The following MTARC1 variants were observed in gnomAD, a reference collection of about 807,000 sequenced individuals.
MTARC1 encodes mitochondrial amidoxime-reducing component 1.
MTARC1 carries 24 observed loss-of-function variants against 33.6 expected under a neutral mutation model. The observed-to-expected ratio is 0.72, with a 90% CI of 0.52 to 1.01. The LOEUF (loss-of-function observed/expected upper bound fraction) is 1.01, where lower values mean the gene tolerates loss of function less well. MTARC1 is among the 50% of genes least tolerant of loss of function. The pLI, the probability that MTARC1 is intolerant of heterozygous loss-of-function variation, is 0.00. For synonymous variants in MTARC1, 187 were observed against 189.5 expected (o/e 0.99, Z 0.11); for missense variants, 417 against 445.7 (o/e 0.94, Z 0.58).
chr1:220,799,274 G>A, intron 4 of MTARC1: 1 of 723,010 alleles, frequency 1.4e-6, no homozygotes, highest in Non-Finnish European at 1.7e-6. Context: ...ACTTCCTAGT[G>A]TGAGGCGGGT....
At chr1:220,801,457 C>A (rs957245885) in intron 4 of MTARC1, among the ~76,000 whole-genome samples, 1 of 152,074 alleles carries the variant, frequency 6.6e-6, no homozygotes, top group Non-Finnish European at 1.5e-5. Flanking sequence ...GTATCTCCAG[C>A]CCCTAGGAGA....
At chr1:220,801,263 T>C (rs1672793732) in intron 4 of MTARC1, among the ~76,000 whole-genome samples, 1 of 152,086 alleles carries the variant, frequency 6.6e-6, no homozygotes. Context: ...CTGCCTGGCA[T>C]ATCTTCCCTC....
chr1:220,787,505 G>A (rs572730231), intron 1 of MTARC1, among the ~76,000 whole-genome samples: 1 of 152,224 alleles, frequency 6.6e-6, no homozygotes, highest in Non-Finnish European at 1.5e-5. Flanking sequence ...GCTGAGGTGT[G>A]GTATCGCTCC....
intron 4 of MTARC1, among the ~76,000 whole-genome samples, chr1:220,803,533 G>C (rs374922311): frequency 3.3e-5 from 5 of 152,094 alleles, no homozygotes; most frequent in African/African-American, 1.2e-4. Flanking sequence ...TGGGAAGCCT[G>C]CTCTGATTGC....
At chr1:220,787,263 G>A (rs1449419926) in intron 1 of MTARC1, 44 bp downstream of exon 1, 4 of 1,526,488 alleles carry the variant, frequency 2.6e-6, no homozygotes, top group Admixed American at 2.0e-5. Context: ...TCCGGCTCGG[G>A]GCAAGGGGGT....
chr1:220,808,988 A>G (rs1224122742), intron 6 of MTARC1: 3 of 451,910 alleles, frequency 6.6e-6, no homozygotes, highest in Non-Finnish European at 9.0e-6. Flanking sequence ...CAAAAAAAAA[A>G]ACGTTTTGCT....
Position 220,813,596 on chromosome 1 carries a change from A to G in MTARC1, c.*178A>G. The stretch of plus-strand genomic sequence containing the variant: ...AATGCTTCAATGTCCCAGTGCAAAA[A>G]GTAAAGAAATATAGTCTCAATAACT... On this transcript the variant is annotated 3_prime_UTR_variant, in exon 7 of 7. Coordinates refer to ENST00000366910, the MANE Select transcript of MTARC1 (RefSeq NM_022746.4). The G allele has an allele frequency of 1.4e-6, 1 of 737,586 alleles. No homozygotes were observed. The highest frequency in any genetic ancestry group is 2.2e-6 in the Non-Finnish European group (1 of 464,394). The allele number at this position is 737,586 out of a possible 1,614,324, so 45.7% of individuals were successfully genotyped here. A position where few individuals can be genotyped will look rare whatever the true frequency, so the allele number is the denominator to read the frequency against.
Position 220,786,937 on chromosome 1 carries a change from A to G in MTARC1, c.-8A>G. 8.1e-7 allele frequency: 1 copy of G among 1,235,710 alleles called. No individual in the cohort carries two copies. The highest frequency in any genetic ancestry group is 1.0e-6 in the Non-Finnish European group (1 of 991,362). 76.5% of individuals were successfully genotyped at this position (1,235,710 alleles called of 1,614,324 possible). On this transcript the variant is annotated 5_prime_UTR_variant, in exon 1 of 7. Coordinates refer to ENST00000366910, the MANE Select transcript of MTARC1 (RefSeq NM_022746.4). ...CCTTGCCGCCGCCACCTCGCGGAGA[A>G]GCCAGCCATGGGCGCCGCCGGCTCC...
At chr1:220,787,755 C>G (rs899006407) in intron 1 of MTARC1, among the ~76,000 whole-genome samples, 1 of 151,986 alleles carries the variant, frequency 6.6e-6, no homozygotes, top group Non-Finnish European at 1.5e-5. Context: ...TTTGGGAGGC[C>G]GAGGCGGGTG....
At chr1:220,790,652 G>A (rs1402136228) in intron 1 of MTARC1, among the ~76,000 whole-genome samples, 1 of 152,140 alleles carries the variant, frequency 6.6e-6, no homozygotes, top group Non-Finnish European at 1.5e-5. Flanking sequence ...CTAAAGTACC[G>A]GCCATATTTT....
chr1:220,795,134 T>C (rs1031092991), intron 2 of MTARC1, among the ~76,000 whole-genome samples: 3 of 152,222 alleles, frequency 2.0e-5, no homozygotes, highest in Non-Finnish European at 2.9e-5. Flanking sequence ...ATTTATGGAG[T>C]AACTATACAA....
chr1:220,809,645 G>A (rs1250316448), intron 6 of MTARC1, among the ~76,000 whole-genome samples: 1 of 152,180 alleles, frequency 6.6e-6, no homozygotes. Context: ...AAGTAGCTGG[G>A]ATTACAGGCA....
chr1:220,812,081 G>A (rs1414972641), intron 6 of MTARC1, among the ~76,000 whole-genome samples: 1 of 152,228 alleles, frequency 6.6e-6, no homozygotes, highest in African/African-American at 2.4e-5. Flanking sequence ...CCTGGGAGAT[G>A]TGGTGTTTGA....
intron 2 of MTARC1, chr1:220,794,453 A>T (rs1672539271): frequency 6.6e-6 from 1 of 152,002 alleles, no homozygotes; most frequent in Non-Finnish European, 1.5e-5. Flanking sequence ...ACATATATTC[A>T]GTTCTAGAAC....
intron 1 of MTARC1, among the ~76,000 whole-genome samples, chr1:220,787,645 C>T (rs1338700718): frequency 6.6e-6 from 1 of 152,106 alleles, no homozygotes; most frequent in Non-Finnish European, 1.5e-5. Context: ...CTGTAGAGTC[C>T]AGCCCTCCAA....
intron 4 of MTARC1, among the ~76,000 whole-genome samples, chr1:220,800,699 G>A (rs1000242670): frequency 6.6e-6 from 1 of 151,722 alleles, no homozygotes; most frequent in African/African-American, 2.4e-5. Flanking sequence ...CCATGTGGAT[G>A]TCTAATCCAA....
rs72470443 is a variant in MTARC1 at position 220,787,234 on chromosome 1, C to T, written c.275+15C>T. 6.4e-7 allele frequency: 1 copy of T among 1,552,944 alleles called. No homozygotes were observed. The highest frequency in any genetic ancestry group is 8.7e-7 in the Non-Finnish European group (1 of 1,151,056). Reference sequence around the variant, plus strand: ...CTGCGGGACAGGTACGGCCAAGCGCCGGCGCGGGGCAGCGCTGATCCGGCT... The same window carrying T: ...CTGCGGGACAGGTACGGCCAAGCGCTGGCGCGGGGCAGCGCTGATCCGGCT... On this transcript the variant is annotated intron_variant, in intron 1 of 6. Transcript: ENST00000366910.
rs1673330524 is a variant in MTARC1 at position 220,818,901 on chromosome 1, G to A, written c.*5483G>A. The A allele has an allele frequency of 6.6e-6, 1 of 152,194 alleles. No homozygotes were observed. Among genetic ancestry groups the A allele is most frequent in the Admixed American group, 6.5e-5 (1 of 15,284 alleles). 9.4% of individuals were successfully genotyped at this position (152,194 alleles called of 1,614,324 possible). ...GCCGAGGACAGCTGGAGAGCTCTTC[G>A]TTGCAGGCAGCTCTGGTTAACATCA... is the stretch of plus-strand genomic sequence containing the variant. On this transcript the variant is annotated 3_prime_UTR_variant, in exon 7 of 7. Coordinates refer to ENST00000366910, the MANE Select transcript of MTARC1 (RefSeq NM_022746.4).
chr1:220,814,271 A>C lies in MTARC1; in HGVS notation c.*853A>C, dbSNP rs1248357069. ...ATATCTATTTTTTAACTGATTGTAT[A>C]ACTCTAAGATCTGATGAAGTATATT... On this transcript the variant is annotated 3_prime_UTR_variant, in exon 7 of 7. Coordinates refer to ENST00000366910, the MANE Select transcript of MTARC1 (RefSeq NM_022746.4). The C allele has an allele frequency of 1.3e-5, 2 of 152,232 alleles. No homozygotes were observed. The highest frequency in any genetic ancestry group is 3.8e-4 in the East Asian group (2 of 5,200). The allele number at this position is 152,232 out of a possible 1,614,324, so 9.4% of individuals were successfully genotyped here.
Sources: allele counts gnomAD v4.1 joint callset (sites outside exome capture counted in the v4.1 genomes callset), GRCh38; gene constraint gnomAD v4.1.1; transcripts MANE v1.5; gene names NCBI Gene and HGNC (gene_info 2026-07-23, HGNC 2026-07-21).